Variants in CNTNAP2 observed in about 807,000 individuals in gnomAD.
CNTNAP2 encodes the protein contactin associated protein 2.
CNTNAP2 carries 98 observed loss-of-function variants against 155.2 expected under a neutral mutation model. The ratio of observed to expected loss-of-function variants is 0.63; its 90% CI spans 0.54 to 0.75. The LOEUF is 0.75. Ranked by LOEUF, CNTNAP2 falls within the 30% of genes least tolerant of loss-of-function variation. The probability of loss-of-function intolerance (pLI) is 0.00; values close to 1 mark genes in which losing one functional copy is unlikely to be tolerated. For missense variants in CNTNAP2, 1,727 were observed against 1,688.1 expected (o/e 1.02, Z -0.40); for synonymous variants, 651 against 631.2 (o/e 1.03, Z -0.47).
intron 1 of CNTNAP2, among the ~76,000 whole-genome samples, chr7:146,244,126 G>A (rs1392640749): frequency 6.6e-6 from 1 of 152,138 alleles, no homozygotes; most frequent in African/African-American, 2.4e-5. Flanking sequence ...AGAAAAACAG[G>A]TATAAAAGGT....
chr7:147,234,267 A>G (rs1017201840), intron 8 of CNTNAP2, among the ~76,000 whole-genome samples: 1 of 150,380 alleles, frequency 6.6e-6, no homozygotes, highest in Non-Finnish European at 1.5e-5. Flanking sequence ...GGAAATTAAC[A>G]TTATTTCACT....
At chr7:146,903,618 C>T (rs1212520251) in intron 3 of CNTNAP2, among the ~76,000 whole-genome samples, 2 of 152,122 alleles carry the variant, frequency 1.3e-5, no homozygotes, top group Non-Finnish European at 2.9e-5. Flanking sequence ...TCTCTCTATC[C>T]TCCTGTTGCA....
At chr7:146,394,495 A>G (rs561905544) in intron 1 of CNTNAP2, among the ~76,000 whole-genome samples, 1 of 138,382 alleles carries the variant, frequency 7.2e-6, no homozygotes, top group African/African-American at 2.6e-5. Context: ...ATTTGGATAG[A>G]ATGTTTTATT....
At chr7:147,407,346 T>C (rs1205252181) in intron 10 of CNTNAP2, among the ~76,000 whole-genome samples, 1 of 151,250 alleles carries the variant, frequency 6.6e-6, no homozygotes, top group Non-Finnish European at 1.5e-5. Context: ...CGGGCGCCTG[T>C]AGTCCCAGCT....
At position 146,488,182 on chromosome 7, in the gene CNTNAP2, T is replaced by C. The variant is rs551325405; in HGVS notation, c.98-286089T>C. ...GCGGCTTGCTCTTTTCTTTCTTTAG[T>C]CTTACGCACGTGAGGAATTTCCACT... is the stretch of plus-strand genomic sequence containing the variant. On this transcript the variant is annotated intron_variant, in intron 1 of 23. Coordinates refer to ENST00000361727, the MANE Select transcript of CNTNAP2 (RefSeq NM_014141.6). Among the ~76,000 whole-genome samples, 3 of 152,064 alleles carry C rather than the reference T, an allele frequency of 2.0e-5. No individual in the cohort carries two copies. In the East Asian group the frequency reaches 5.9e-4, roughly 30 times the overall value.
intron 1 of CNTNAP2, among the ~76,000 whole-genome samples, chr7:146,538,530 C>T (rs1261928305): frequency 2.0e-5 from 3 of 152,052 alleles, no homozygotes; most frequent in Non-Finnish European, 4.4e-5. Context: ...AGGCATAAGT[C>T]ACACCTGGTT....
At chr7:146,581,934 C>A (rs1019606501) in intron 1 of CNTNAP2, among the ~76,000 whole-genome samples, 2 of 151,834 alleles carry the variant, frequency 1.3e-5, no homozygotes, top group African/African-American at 4.8e-5. Flanking sequence ...ATTCTGACCA[C>A]GAGGAGTTTA....
At chr7:147,501,832 C>A (rs1798819403) in intron 11 of CNTNAP2, among the ~76,000 whole-genome samples, 1 of 152,152 alleles carries the variant, frequency 6.6e-6, no homozygotes, top group Non-Finnish European at 1.5e-5. Flanking sequence ...ACCCTACAGA[C>A]TCCACCAAAA....
intron 3 of CNTNAP2, among the ~76,000 whole-genome samples, chr7:146,895,395 A>T (rs1415482633): frequency 6.6e-6 from 1 of 151,454 alleles, no homozygotes; most frequent in East Asian, 1.9e-4. Context: ...AAGCCTTCCA[A>T]ATAAAACTAA....
intron 15 of CNTNAP2, among the ~76,000 whole-genome samples, chr7:148,008,340 C>A (rs1189317009): frequency 2.0e-5 from 3 of 152,112 alleles, no homozygotes; most frequent in Non-Finnish European, 4.4e-5. Context: ...CCACTACACT[C>A]CAGCCTGGGT....
At chr7:147,732,122 T>C (rs183330368) in intron 13 of CNTNAP2, among the ~76,000 whole-genome samples, 1 of 152,138 alleles carries the variant, frequency 6.6e-6, no homozygotes, top group Non-Finnish European at 1.5e-5. Flanking sequence ...TGTGCCATGT[T>C]GGTGTGCTGC....
At chr7:146,538,494 A>G (rs894207093) in intron 1 of CNTNAP2, among the ~76,000 whole-genome samples, 9 of 152,146 alleles carry the variant, frequency 5.9e-5, no homozygotes, top group Admixed American at 5.2e-4. Flanking sequence ...ACAGTGGGCA[A>G]TCTTCTTAAA....
chr7:147,718,008 C>T (rs1435747305), intron 13 of CNTNAP2, among the ~76,000 whole-genome samples: 2 of 151,844 alleles, frequency 1.3e-5, no homozygotes, highest in Non-Finnish European at 2.9e-5. Flanking sequence ...TAATTGTACT[C>T]ATGTCCCTTG....
At chr7:147,201,516 C>A (rs1563114103) in intron 8 of CNTNAP2, among the ~76,000 whole-genome samples, 1 of 148,284 alleles carries the variant, frequency 6.7e-6, no homozygotes, top group Non-Finnish European at 1.5e-5. Context: ...TGCAGTTACA[C>A]TACTTAAGCA....
At position 147,789,288 on chromosome 7, in the gene CNTNAP2, C is replaced by A. The variant is rs527642156; in HGVS notation, c.2099-114277C>A. Among the ~76,000 whole-genome samples the A allele has an allele frequency of 2.0e-5, 3 of 152,312 alleles. No homozygotes were observed. In the South Asian group the frequency reaches 6.2e-4, roughly 32 times the overall value. On this transcript the variant is annotated intron_variant, in intron 13 of 23. Transcript: ENST00000361727. ...CTACCCTATATCTAACTTCTCACCA[C>A]TATCCAAACCACAAACAACCTTTCA...
chr7:146,600,313 G>A (rs1798930660), intron 1 of CNTNAP2, among the ~76,000 whole-genome samples: 1 of 151,984 alleles, frequency 6.6e-6, no homozygotes. Flanking sequence ...AAATTATATT[G>A]CCACATAAAA....
In CNTNAP2 at chr7:147,326,974, C is replaced by T. The variant is rs535859052; in HGVS notation, c.1498+26684C>T. ...TGCTGAATGGGTACATGCATAAATA[C>T]AAGAATGTATGACAAAAGTAAATGA... On this transcript the variant is annotated intron_variant, in intron 9 of 23. Transcript: ENST00000361727. Among the ~76,000 whole-genome samples the T allele has an allele frequency of 9.9e-5, 15 of 152,218 alleles. No homozygotes were observed. In the East Asian group the frequency reaches 2.3e-3, roughly 24 times the overall value.
At chr7:148,375,776 C>CATTGCCCTCCCCAAAAAGGAACATT (rs1213511060) in intron 21 of CNTNAP2, among the ~76,000 whole-genome samples, 1 of 84,648 alleles carries the variant, frequency 1.2e-5, no homozygotes, top group African/African-American at 3.4e-5. Flanking sequence ...AGGTGGATCA[C>CATTGCCCTCCCCAAAAAGGAACATT]GAGGTCAGGA....
rs1799625537 is a variant in CNTNAP2, at chr7:146,245,215, A to G, written c.97+128242A>G. ...GGGGTGAATGTCAGGTGGATCAGAGAGATACAGTCATGGGGGTCAGGTGTG... is the reference window on the plus strand; with the variant it reads ...GGGGTGAATGTCAGGTGGATCAGAGGGATACAGTCATGGGGGTCAGGTGTG... On this transcript the variant is annotated intron_variant, in intron 1 of 23. Coordinates refer to ENST00000361727, the MANE Select transcript of CNTNAP2 (RefSeq NM_014141.6). Among the ~76,000 whole-genome samples the G allele has an allele frequency of 1.3e-5, 2 of 152,054 alleles. 1 individual carries two copies. Among genetic ancestry groups the G allele is most frequent in the South Asian group, 4.1e-4 (2 of 4,822 alleles).
Sources: gnomAD v4.1 joint callset for allele counts (sites outside exome capture counted in the v4.1 genomes callset) on GRCh38, gnomAD v4.1.1 for gene constraint, MANE v1.5 for transcripts, NCBI Gene and HGNC (gene_info 2026-07-23, HGNC 2026-07-21) for gene names.